Variants in LRP1B observed in about 807,000 individuals in gnomAD.
LRP1B encodes LDL receptor related protein 1B.
A neutral mutation model predicts 556.6 loss-of-function variants in LRP1B; 217 were observed. The ratio of observed to expected loss-of-function variants is 0.39; its 90% CI spans 0.35 to 0.44. The LOEUF is 0.44. LRP1B is among the 20% of genes least tolerant of loss of function. The pLI, the probability that LRP1B is intolerant of heterozygous loss-of-function variation, is 1.00. For missense variants in LRP1B, 5,053 were observed against 5,620.8 expected, an observed-to-expected ratio of 0.90 and a Z score of 3.23; for synonymous variants, 2,047 against 1,865.8, an observed-to-expected ratio of 1.10 and a Z score of -2.50.
At chr2:140,334,000 AAAAAC>A (rs908672960) in intron 79 of LRP1B, among the ~76,000 whole-genome samples, 11 of 151,672 alleles carry the variant, frequency 7.3e-5, no homozygotes, top group East Asian at 3.9e-4. Context: ...AAAAGGCAAA[AAAAAC>A]AAAACAAAAC....
rs144712116 is a variant in LRP1B at position 141,241,348 on chromosome 2, T to A, written c.592+5878A>T. On this transcript the variant is annotated intron_variant, in intron 5 of 90. Coordinates refer to ENST00000389484, the MANE Select transcript of LRP1B (RefSeq NM_018557.3). ...CAGAGGCTTATTCAGTATAGTGTGA[T>A]TGCAGATAGGGAAGCTTGTTCTCCA... Among the ~76,000 whole-genome samples the A allele has an allele frequency of 3.5e-4, 54 of 152,224 alleles. 1 individual carries two copies. Among genetic ancestry groups the A allele is most frequent in the East Asian group, 2.3e-3 (12 of 5,174 alleles).
intron 66 of LRP1B, among the ~76,000 whole-genome samples, chr2:140,431,699 C>G (rs62172977): frequency 0.041 from 6,256 of 152,260 alleles, 191 homozygotes; most frequent in South Asian, 0.068. Context: ...TTTTCTCCTT[C>G]TCTTATTCCG....
intron 2 of LRP1B, among the ~76,000 whole-genome samples, chr2:141,643,622 G>A (rs1402447175): frequency 6.6e-6 from 1 of 152,106 alleles, no homozygotes; most frequent in Non-Finnish European, 1.5e-5. Flanking sequence ...GGGGAAAGAG[G>A]AGTTTCCAGT....
In LRP1B at chr2:140,936,083, C is replaced by T. The variant is rs548442281; in HGVS notation, c.3137-12936G>A. On this transcript the variant is annotated intron_variant, in intron 20 of 90. Transcript: ENST00000389484. ...GCCTGGGCATGGTGGCTCATGCCTG[C>T]AATCCTGGCACTTTGAGAGGCAGTG... Among the ~76,000 whole-genome samples the T allele has an allele frequency of 1.1e-3, 172 of 150,348 alleles. 1 individual carries two copies. The highest frequency in any genetic ancestry group is 3.8e-3 in the African/African-American group (155 of 41,072).
chr2:141,733,974 A>C (rs1322979653), intron 2 of LRP1B, among the ~76,000 whole-genome samples: 2 of 152,094 alleles, frequency 1.3e-5, no homozygotes, highest in African/African-American at 2.4e-5. Flanking sequence ...AATCTCACTG[A>C]GTTTAGTGAC....
intron 1 of LRP1B, among the ~76,000 whole-genome samples, chr2:141,943,436 G>A (rs780222645): frequency 6.6e-6 from 1 of 152,102 alleles, no homozygotes; most frequent in Non-Finnish European, 1.5e-5. Context: ...ATTCACATTA[G>A]GGTTCTGACC....
At chr2:141,860,721 T>C (rs1698211736) in intron 1 of LRP1B, among the ~76,000 whole-genome samples, 1 of 152,204 alleles carries the variant, frequency 6.6e-6, no homozygotes, top group Non-Finnish European at 1.5e-5. Flanking sequence ...AATGTTTGCA[T>C]GGTAATATAT....
Position 141,704,707 on chromosome 2 carries a change from A to T in LRP1B, c.205+105572T>A, listed in dbSNP as rs1221348073. 7.2e-5 allele frequency among the ~76,000 whole-genome samples: 11 copies of T among 151,832 alleles called. 1 individual carries two copies. Among genetic ancestry groups the T allele is most frequent in the Admixed American group, 5.3e-4 (8 of 15,198 alleles). On this transcript the variant is annotated intron_variant, in intron 2 of 90. Transcript: ENST00000389484. The stretch of plus-strand genomic sequence containing the variant: ...GCATCTGATTCATATTTTCTTCCTC[A>T]TATCTTTGGTGTCCTGGCAGTAGTC...
chr2:141,189,284 C>G (rs546813831), intron 6 of LRP1B, among the ~76,000 whole-genome samples: 2 of 152,008 alleles, frequency 1.3e-5, no homozygotes, highest in Non-Finnish European at 2.9e-5. Flanking sequence ...TAATCAGGCT[C>G]AGAGAGACTT....
chr2:140,404,229 C>T (rs1157309132), intron 66 of LRP1B, among the ~76,000 whole-genome samples: 1 of 132,040 alleles, frequency 7.6e-6, no homozygotes, highest in East Asian at 2.2e-4. Context: ...GGCTGGAGTG[C>T]AGTGGCGCTA....
intron 25 of LRP1B, among the ~76,000 whole-genome samples, chr2:140,881,815 T>G (rs1173440417): frequency 1.3e-5 from 2 of 152,190 alleles, no homozygotes; most frequent in Admixed American, 6.5e-5. Context: ...TATTTCACAC[T>G]GAAATCATAT....
chr2:140,913,522 C>T (rs545823439), intron 21 of LRP1B, among the ~76,000 whole-genome samples: 2 of 151,872 alleles, frequency 1.3e-5, no homozygotes, highest in African/African-American at 4.8e-5. Context: ...CTGCCTTATG[C>T]GTATAGTCTT....
At chr2:142,075,790 G>A (rs181210300) in intron 1 of LRP1B, among the ~76,000 whole-genome samples, 9 of 152,168 alleles carry the variant, frequency 5.9e-5, no homozygotes, top group African/African-American at 1.9e-4. Context: ...TAAAACTGGT[G>A]ATTTACCTTA....
chr2:140,239,433 G>C lies in LRP1B; in HGVS notation c.13415+9C>G, dbSNP rs373178419. 1.1e-5 allele frequency: 17 copies of C among 1,550,460 alleles called. No individual in the cohort carries two copies. The African/African-American group carries it at 2.1e-4, about 19-fold the overall frequency. On this transcript the variant is annotated intron_variant, in intron 88 of 90. Coordinates refer to ENST00000389484, the MANE Select transcript of LRP1B (RefSeq NM_018557.3). ...TCACTGACTGCTAATCTAGAACATT[G>C]CATCTTACCTTCTTTTTCTTTTACA...
At chr2:141,698,357 C>G (rs1445275310) in intron 2 of LRP1B, among the ~76,000 whole-genome samples, 1 of 151,710 alleles carries the variant, frequency 6.6e-6, no homozygotes, top group Non-Finnish European at 1.5e-5. Context: ...GTACAGGATG[C>G]TCAGAAAACC....
At chr2:141,780,045 C>G (rs1412595290) in intron 2 of LRP1B, among the ~76,000 whole-genome samples, 3 of 149,578 alleles carry the variant, frequency 2.0e-5, no homozygotes, top group African/African-American at 7.4e-5. Flanking sequence ...GAATTAATCT[C>G]TCTTCCCCAT....
intron 41 of LRP1B, among the ~76,000 whole-genome samples, chr2:140,611,153 TGTGA>T (rs1683059320): frequency 6.6e-6 from 1 of 152,156 alleles, no homozygotes; most frequent in African/African-American, 2.4e-5. Flanking sequence ...ATAGGAATTA[TGTGA>T]GTGAGTTTCT....
chr2:140,967,878 C>T (rs986201289), intron 18 of LRP1B, among the ~76,000 whole-genome samples: 1 of 151,678 alleles, frequency 6.6e-6, no homozygotes, highest in South Asian at 2.1e-4. Flanking sequence ...GCCTTGCATC[C>T]CAGGGATGAA....
chr2:142,089,661 C>T (rs2104947086), intron 1 of LRP1B, among the ~76,000 whole-genome samples: 1 of 152,252 alleles, frequency 6.6e-6, no homozygotes, highest in Admixed American at 6.5e-5. Flanking sequence ...AGTTATCATG[C>T]ATCTTAAATG....
Sources: gnomAD v4.1 joint callset for allele counts (sites outside exome capture counted in the v4.1 genomes callset) on GRCh38, gnomAD v4.1.1 for gene constraint, MANE v1.5 for transcripts, NCBI Gene and HGNC (gene_info 2026-07-23, HGNC 2026-07-21) for gene names.